The following RNF114 variants were observed in gnomAD, a reference collection of about 807,000 sequenced individuals.
RNF114 encodes the protein E3 ubiquitin-protein ligase RNF114.
A neutral mutation model predicts 28.4 loss-of-function variants in RNF114; 6 were observed. The ratio of observed to expected loss-of-function variants is 0.21; its 90% CI spans 0.12 to 0.42. The LOEUF (loss-of-function observed/expected upper bound fraction) is 0.42. RNF114 is among the 10% of genes least tolerant of loss of function. RNF114 has a pLI of 1.00. For synonymous variants in RNF114, 115 were observed against 116.7 expected (o/e 0.99, Z 0.09); for missense variants, 249 against 311.7 (o/e 0.80, Z 1.51).
At chr20:49,949,491 G>T in intron 5 of RNF114, 136 bp downstream of exon 5, 1 of 699,042 alleles carries the variant, frequency 1.4e-6, no homozygotes, top group Non-Finnish European at 2.5e-6. Context: ...CTGTATACTG[G>T]ATACAGTGAT....
At chr20:49,941,056 A>G (rs1307621663) in intron 1 of RNF114, 1 of 152,562 alleles carries the variant, frequency 6.6e-6, no homozygotes, top group Non-Finnish European at 1.5e-5. Flanking sequence ...CAGTCTTACC[A>G]GCCCTTTCCT....
intron 1 of RNF114, among the ~76,000 whole-genome samples, chr20:49,937,810 C>G (rs891535447): frequency 2.6e-5 from 4 of 152,118 alleles, no homozygotes; most frequent in African/African-American, 7.2e-5. Context: ...CTTCTCCTTG[C>G]TTGCACAGAG....
intron 2 of RNF114, chr20:49,944,018 G>A (rs753631753): frequency 5.3e-5 from 8 of 151,492 alleles, no homozygotes; most frequent in Admixed American, 4.0e-4. Context: ...ATGAGCCATT[G>A]CACCCGGTCT....
chr20:49,936,853 C>T (rs2090289239), intron 1 of RNF114, among the ~76,000 whole-genome samples: 1 of 152,182 alleles, frequency 6.6e-6, no homozygotes, highest in African/African-American at 2.4e-5. Flanking sequence ...GGACTCGTGC[C>T]CTGCGGGGAC....
chr20:49,938,962 G>T (rs73273171), intron 1 of RNF114, among the ~76,000 whole-genome samples: 1 of 152,312 alleles, frequency 6.6e-6, no homozygotes, highest in South Asian at 2.1e-4. Flanking sequence ...TGTCTCTACT[G>T]CCTCATCACT....
intron 4 of RNF114, among the ~76,000 whole-genome samples, chr20:49,948,244 A>G (rs1436189360): frequency 2.0e-5 from 3 of 151,688 alleles, no homozygotes; most frequent in Non-Finnish European, 4.4e-5. Context: ...TCTCTTGTCA[A>G]TCCCCTTTAT....
At chr20:49,949,139 CA>C in intron 4 of RNF114, 108 bp from the exon 5 acceptor site, 1 of 829,872 alleles carries the variant, frequency 1.2e-6, no homozygotes, top group Non-Finnish European at 2.1e-6. Flanking sequence ...TGGCCCTGGA[CA>C]GTATGTCAGG....
chr20:49,945,377 T>C lies in RNF114; in HGVS notation c.292-5T>C, dbSNP rs749821996. 2 of 1,590,170 alleles carry C rather than the reference T, an allele frequency of 1.3e-6. No homozygotes were observed. Among genetic ancestry groups the C allele is most frequent in the Non-Finnish European group, 1.7e-6 (2 of 1,158,354 alleles). ...ACTTATGGGCTCTGATTCTTCCTAT[T>C]TGAGTTCTTCCTGTCCAAGATCCGG... On this transcript the variant is annotated splice_polypyrimidine_tract_variant and splice_region_variant and intron_variant, in intron 2 of 5. Coordinates refer to ENST00000244061, the MANE Select transcript of RNF114 (RefSeq NM_018683.4).
Position 49,945,363 on chromosome 20 carries a change from C to T in RNF114, c.292-19C>T, listed in dbSNP as rs753175674. ...CAAGGTCCTCACTAACTTATGGGCT[C>T]TGATTCTTCCTATTTGAGTTCTTCC... On this transcript the variant is annotated intron_variant, in intron 2 of 5. Transcript: ENST00000244061. 2 of 1,549,214 alleles carry T rather than the reference C, an allele frequency of 1.3e-6. No individual in the cohort carries two copies. The highest frequency in any genetic ancestry group is 1.8e-6 in the Non-Finnish European group (2 of 1,121,116).
rs765388682 is a variant in RNF114, at chr20:49,941,547, A to G, written c.141-14A>G. The stretch of plus-strand genomic sequence containing the variant: ...ATGATGCGTGACAGAGGTTCTCTGT[A>G]TGTCTTGTTCTAGCTTTTGCTCTGC... On this transcript the variant is annotated splice_polypyrimidine_tract_variant and intron_variant, in intron 1 of 5. Transcript: ENST00000244061. The G allele has an allele frequency of 6.4e-7, 1 of 1,569,942 alleles. No homozygotes were observed. Among genetic ancestry groups the G allele is most frequent in the South Asian group, 1.1e-5 (1 of 87,272 alleles).
Position 49,946,253 on chromosome 20 carries a change from G to C in RNF114, c.513+3G>C. The C allele has an allele frequency of 7.1e-7, 1 of 1,402,210 alleles. No individual in the cohort carries two copies. The allele number at this position is 1,402,210 out of a possible 1,614,324, so 86.9% of individuals were successfully genotyped here. A position where few individuals can be genotyped will look rare whatever the true frequency, so the allele number is the denominator to read the frequency against. On this transcript the variant is annotated splice_donor_region_variant and intron_variant, in intron 4 of 5. Coordinates refer to ENST00000244061, the MANE Select transcript of RNF114 (RefSeq NM_018683.4). ...ATAGCACGGATACCAAATCTGTGGT[G>C]AGTAACCTTTTTTTTTTTTTTTAAA... is the stretch of plus-strand genomic sequence containing the variant.
rs1162621408 is a variant in RNF114, at chr20:49,945,420, T to C, written c.330T>C (p.Cys110=). Reference sequence around the variant, plus strand: ...AGATCCGGTCCCACGTGGCTACTTGTTCCAAATACCAGAATTACATCATGG... The same window carrying C: ...AGATCCGGTCCCACGTGGCTACTTGCTCCAAATACCAGAATTACATCATGG... ...LSKIRSHVAT[C]SKYQNYIMEG... Residue 110 remains cysteine (C), a synonymous_variant, in exon 3 of 6, where the codon TGT becomes TGC. Transcript: ENST00000244061. 2 of 1,613,442 alleles carry C rather than the reference T, an allele frequency of 1.2e-6. No homozygotes were observed. Among genetic ancestry groups the C allele is most frequent in the African/African-American group, 1.3e-5 (1 of 74,908 alleles).
Position 49,952,296 on chromosome 20 carries a change from C to T in RNF114, c.*155C>T. Reference sequence around the variant, plus strand: ...ACTTCTGACAGGGGAAGTGGGTCCCCAGGTCAGCCCTTCTCTTCCCTTTGG... The same window carrying T: ...ACTTCTGACAGGGGAAGTGGGTCCCTAGGTCAGCCCTTCTCTTCCCTTTGG... On this transcript the variant is annotated 3_prime_UTR_variant, in exon 6 of 6. Transcript: ENST00000244061. The T allele has an allele frequency of 1.5e-6, 1 of 670,070 alleles. No individual in the cohort carries two copies. The highest frequency in any genetic ancestry group is 1.6e-5 in the South Asian group (1 of 60,864). The allele number at this position is 670,070 out of a possible 1,614,324, so 41.5% of individuals were successfully genotyped here.
At chr20:49,948,282 G>C (rs1447271470) in intron 4 of RNF114, among the ~76,000 whole-genome samples, 3 of 152,058 alleles carry the variant, frequency 2.0e-5, no homozygotes, top group African/African-American at 7.2e-5. Context: ...TGTGGGGTAG[G>C]GTTCCACCTT....
intron 4 of RNF114, among the ~76,000 whole-genome samples, chr20:49,948,714 A>C (rs1233486136): frequency 1.3e-5 from 2 of 152,084 alleles, no homozygotes; most frequent in South Asian, 4.2e-4. Context: ...TGGGATTACA[A>C]GTGTGAGCCA....
Position 49,949,452 on chromosome 20 carries a change from C to G in RNF114, c.621+97C>G. On this transcript the variant is annotated intron_variant, in intron 5 of 5. Transcript: ENST00000244061. ...GGAAATGGGGATCCCCAGTGTTGAACTTTGTCGCTGTTGTGATGGGCTTCC... is the reference window on the plus strand; with the variant it reads ...GGAAATGGGGATCCCCAGTGTTGAAGTTTGTCGCTGTTGTGATGGGCTTCC... 38 of 1,016,908 alleles carry G rather than the reference C, an allele frequency of 3.7e-5. 1 individual carries two copies. The South Asian group carries it at 4.8e-4, about 13-fold the overall frequency. 63.0% of individuals were successfully genotyped at this position (1,016,908 alleles called of 1,614,324 possible).
intron 5 of RNF114, among the ~76,000 whole-genome samples, 196 bp downstream of exon 5, chr20:49,949,551 G>C: frequency 6.6e-6 from 1 of 152,200 alleles, no homozygotes. Flanking sequence ...GAGGCGGGCA[G>C]GCAGCTGTAG....
chr20:49,947,800 T>G (rs2090339678), intron 4 of RNF114, among the ~76,000 whole-genome samples: 3 of 57,170 alleles, frequency 5.2e-5, no homozygotes, highest in Admixed American at 2.6e-4. Flanking sequence ...TTTTTTTTTT[T>G]TTTTTTTTTG....
chr20:49,942,542 G>C (rs992356968), intron 2 of RNF114, among the ~76,000 whole-genome samples: 1 of 152,102 alleles, frequency 6.6e-6, no homozygotes, highest in Non-Finnish European at 1.5e-5. Flanking sequence ...TCAACTTAAG[G>C]CCTGGCAAGG....
Sources: gnomAD v4.1 joint callset for allele counts (sites outside exome capture counted in the v4.1 genomes callset) on GRCh38, gnomAD v4.1.1 for gene constraint, MANE v1.5 for transcripts, NCBI Gene and HGNC (gene_info 2026-07-23, HGNC 2026-07-21) for gene names.